The following PIEZO2 variants were observed in gnomAD, a reference collection of about 807,000 sequenced individuals.
PIEZO2 encodes piezo-type mechanosensitive ion channel component 2.
Under a neutral mutation model 337.3 loss-of-function variants are expected in PIEZO2, and 172 were observed. The observed-to-expected ratio is 0.51, with a 90% CI of 0.45 to 0.58. The LOEUF is 0.58. Ranked by LOEUF, PIEZO2 falls within the 20% of genes least tolerant of loss-of-function variation. The pLI is 0.00. For missense variants in PIEZO2, 3,028 were observed against 3,391.3 expected, an observed-to-expected ratio of 0.89 and a Z score of 2.66; for synonymous variants, 1,251 against 1,228.5, an observed-to-expected ratio of 1.02 and a Z score of -0.38.
intron 1 of PIEZO2, among the ~76,000 whole-genome samples, chr18:11,103,786 C>CGTGTGT (rs71364107): frequency 0.049 from 7,229 of 148,358 alleles, 254 homozygotes; most frequent in East Asian, 0.13. Context: ...AGATGCTGGT[C>CGTGTGT]GTGTGTGTGT....
In PIEZO2 at chr18:10,878,474, T is replaced by C. The variant is rs981727699; in HGVS notation, c.330-7059A>G. Among the ~76,000 whole-genome samples the C allele has an allele frequency of 6.6e-6, 1 of 152,206 alleles. No homozygotes were observed. The highest frequency in any genetic ancestry group is 1.5e-5 in the Non-Finnish European group (1 of 68,042). ...AGAGAGTTTACAAATAAAGTTTCAG[T>C]TATTTGCACATGCAGATTTCATTGT... On this transcript the variant is annotated intron_variant, in intron 4 of 55. Coordinates refer to ENST00000674853, the MANE Select transcript of PIEZO2 (RefSeq NM_001378183.1). This position sits in a 1 kb window ranked among gnomAD's most constrained non-coding sequence, Gnocchi z 4.3.
intron 1 of PIEZO2, among the ~76,000 whole-genome samples, chr18:11,087,750 C>T (rs116770374): frequency 1.3e-5 from 2 of 152,228 alleles, no homozygotes; most frequent in Non-Finnish European, 2.9e-5. Flanking sequence ...ACCTCCGTAA[C>T]GTTTTCAACT....
At chr18:10,790,611 C>A (rs2039375277) in intron 14 of PIEZO2, among the ~76,000 whole-genome samples, 1 of 152,050 alleles carries the variant, frequency 6.6e-6, no homozygotes, top group Non-Finnish European at 1.5e-5. Flanking sequence ...GTTTCCAGTA[C>A]TCACTAGAAG....
At position 11,070,095 on chromosome 18, in the gene PIEZO2, G is replaced by C. The variant is rs78496396; in HGVS notation, c.65-3873C>G. ...TTGTTAGGTAGTTTTGTCCTTGTGG[G>C]AACTGTGTGCTTACATAAACAAAGA... On this transcript the variant is annotated intron_variant, in intron 1 of 55. Transcript: ENST00000674853. This position sits in a 1 kb window ranked among gnomAD's most constrained non-coding sequence, Gnocchi z 4.3. Among the ~76,000 whole-genome samples the C allele has an allele frequency of 2.5e-3, 388 of 152,214 alleles. 1 individual carries two copies. Among genetic ancestry groups the C allele is most frequent in the Non-Finnish European group, 4.5e-3 (306 of 68,004 alleles).
chr18:11,058,496 G>A (rs1391851295), intron 2 of PIEZO2, among the ~76,000 whole-genome samples: 5 of 152,076 alleles, frequency 3.3e-5, no homozygotes, highest in Middle Eastern at 3.2e-3. Context: ...GAGGAAGTTC[G>A]AAAACATGGC....
intron 15 of PIEZO2, among the ~76,000 whole-genome samples, chr18:10,788,374 A>G (rs2144145310): frequency 6.7e-6 from 1 of 149,494 alleles, no homozygotes; most frequent in Non-Finnish European, 1.5e-5. Context: ...ACGCCACTAC[A>G]CTCCAGCCTA....
In PIEZO2 at chr18:11,074,632, T is replaced by A. The variant is rs548195554; in HGVS notation, c.65-8410A>T. 3.3e-5 allele frequency among the ~76,000 whole-genome samples: 5 copies of A among 152,332 alleles called. No homozygotes were observed. In the South Asian group the frequency reaches 1.0e-3, roughly 32 times the overall value. On this transcript the variant is annotated intron_variant, in intron 1 of 55. Coordinates refer to ENST00000674853, the MANE Select transcript of PIEZO2 (RefSeq NM_001378183.1). ...AGTTTTATTTTCTAAAGATGAAAGA[T>A]GGTGTGCAATTTGGAAAAAACTCAA...
chr18:10,689,834 T>C, intron 48 of PIEZO2, 32 bp from the exon 49 acceptor site: 1 of 1,578,290 alleles, frequency 6.3e-7, no homozygotes, highest in Non-Finnish European at 8.6e-7. Flanking sequence ...CAGAGAGACA[T>C]TCGTGGGTGG....
chr18:10,738,990 G>A (rs2037116814), intron 33 of PIEZO2: 1 of 152,132 alleles, frequency 6.6e-6, no homozygotes, highest in Admixed American at 6.5e-5. Flanking sequence ...TTACACATGT[G>A]TATCCAACTA....
Position 10,741,019 on chromosome 18 carries a change from G to C in PIEZO2, c.4708+12C>G, listed in dbSNP as rs1238941896. The stretch of plus-strand genomic sequence containing the variant: ...GAGTCGATGAGGTTGTAAGGGGATC[G>C]AGAAAACCTACTGGAAGCATGATCA... On this transcript the variant is annotated intron_variant, in intron 33 of 55. Coordinates refer to ENST00000674853, the MANE Select transcript of PIEZO2 (RefSeq NM_001378183.1). 5.9e-6 allele frequency: 9 copies of C among 1,536,824 alleles called. No individual in the cohort carries two copies. The highest frequency in any genetic ancestry group is 1.2e-5 in the South Asian group (1 of 84,046).
rs1007121931 is a variant in PIEZO2 at position 10,894,068 on chromosome 18, C to T, written c.329+17118G>A. ...GCCAGCAGCAAGGAAAGGCCGTCTC[C>T]GTATAGATAGAAAGACACCCGAAAC... On this transcript the variant is annotated intron_variant, in intron 4 of 55. Transcript: ENST00000674853. This position sits in a 1 kb window ranked among gnomAD's most constrained non-coding sequence, Gnocchi z 4.1. 1.1e-4 allele frequency among the ~76,000 whole-genome samples: 17 copies of T among 152,234 alleles called. No individual in the cohort carries two copies. Among genetic ancestry groups the T allele is most frequent in the Admixed American group, 7.9e-4 (12 of 15,286 alleles).
intron 2 of PIEZO2, among the ~76,000 whole-genome samples, chr18:11,049,897 C>A (rs559160210): frequency 2.0e-4 from 31 of 152,256 alleles, no homozygotes; most frequent in African/African-American, 5.8e-4. Context: ...CGGAGTAATA[C>A]AAAAGGTGAA....
intron 4 of PIEZO2, chr18:10,908,434 C>G (rs371532788): frequency 1.3e-5 from 2 of 152,162 alleles, no homozygotes; most frequent in South Asian, 4.1e-4. Context: ...TAAGACTGCT[C>G]TAAAGAACCA....
Position 10,794,955 on chromosome 18 carries a change from G to T in PIEZO2, c.1575C>A (p.Ile525=). ...YHSWLTFVLL[I]WSCTLWMIRN... ...GAATCATCCAAAGAGTGCACGACCA[G>T]ATCAGCAGCACGAAGGTCAGCCAGC... Residue 525 remains isoleucine (I), a synonymous_variant, in exon 13 of 56, where the codon ATC becomes ATA. Coordinates refer to ENST00000674853, the MANE Select transcript of PIEZO2 (RefSeq NM_001378183.1). This position sits in a 1 kb window ranked among gnomAD's most constrained non-coding sequence, Gnocchi z 6.6. The T allele has an allele frequency of 6.5e-7, 1 of 1,547,538 alleles. No individual in the cohort carries two copies.
In PIEZO2 at chr18:10,704,573, T is replaced by C. The variant is rs1280340546; in HGVS notation, c.6079A>G (p.Met2027Val). Reference sequence around the variant, plus strand: ...GAGCGGGCCACCAGGGTATTGTACATGGCATAGAAGAGCAGCAGAAATCGG... The same window carrying C: ...GAGCGGGCCACCAGGGTATTGTACACGGCATAGAAGAGCAGCAGAAATCGG... ...QPRFLLLFYA[M>V]YNTLVARSEM... Residue 2027 changes from methionine (M) to valine (V), a missense_variant, in exon 42 of 56, where the codon ATG (methionine) becomes GTG (valine). Physicochemically the swap from Met to Val is conservative, Grantham distance 21. This residue lies in a region of PIEZO2 where 1,925 missense variants were observed against 2,051.9 expected (regional missense o/e 0.94). Coordinates refer to ENST00000674853, the MANE Select transcript of PIEZO2 (RefSeq NM_001378183.1). 6 of 1,537,178 alleles carry C rather than the reference T, an allele frequency of 3.9e-6. No individual in the cohort carries two copies. In the East Asian group the frequency reaches 1.2e-4, roughly 31 times the overall value.
rs2033359830 is a variant in PIEZO2, at chr18:10,952,879, C to A, written c.286+26656G>T. On this transcript the variant is annotated intron_variant, in intron 3 of 55. Coordinates refer to ENST00000674853, the MANE Select transcript of PIEZO2 (RefSeq NM_001378183.1). This position sits in a 1 kb window ranked among gnomAD's most constrained non-coding sequence, Gnocchi z 4.1. ...TGGAATGCCTTCCCTTCCTTCCTTC[C>A]TTCCTTTCATCCCTCCCTCCATCCC... is the stretch of plus-strand genomic sequence containing the variant. Among the ~76,000 whole-genome samples, 1 of 115,062 alleles carries A rather than the reference C, an allele frequency of 8.7e-6. No homozygotes were observed. The allele number at this position is 115,062 out of a possible 152,430, so 75.5% of individuals were successfully genotyped here. A position where few individuals can be genotyped will look rare whatever the true frequency, so the allele number is the denominator to read the frequency against.
chr18:10,916,772 G>A (rs2031010221), intron 3 of PIEZO2, among the ~76,000 whole-genome samples: 1 of 152,170 alleles, frequency 6.6e-6, no homozygotes, highest in Admixed American at 6.5e-5. Flanking sequence ...CATTGCCAGA[G>A]CGGGCCCCAA....
intron 15 of PIEZO2, 81 bp from the exon 16 acceptor site, chr18:10,787,265 G>A (rs2039257159): frequency 4.8e-6 from 6 of 1,256,348 alleles, no homozygotes; most frequent in Non-Finnish European, 5.4e-6. Flanking sequence ...TTTAATTCAA[G>A]TAAGACAAGT....
intron 33 of PIEZO2, 46 bp downstream of exon 33, chr18:10,740,985 T>A: frequency 4.0e-6 from 6 of 1,511,000 alleles, no homozygotes; most frequent in Non-Finnish European, 5.3e-6. Context: ...GTCAAGGATA[T>A]AAGGGTTAGA....
Sources: gnomAD v4.1 joint callset for allele counts (sites outside exome capture counted in the v4.1 genomes callset) on GRCh38, gnomAD v4.1.1 for gene constraint, gnomAD v4.1.1 regional missense constraint, Gnocchi (gnomAD v3.1) non-coding constraint, MANE v1.5 for transcripts, NCBI Gene and HGNC (gene_info 2026-07-23, HGNC 2026-07-21) for gene names.